Variants in IGSF3 observed in about 807,000 individuals in gnomAD.
IGSF3 encodes the protein immunoglobulin superfamily member 3.
In IGSF3, 23 loss-of-function variants were observed where a neutral mutation model predicts 114.4. The observed-to-expected ratio is 0.20, with a 90% CI of 0.14 to 0.28. IGSF3 has a LOEUF of 0.28. Among genes scored for constraint, IGSF3 ranks in the 10% least tolerant of loss-of-function variants. IGSF3 has a pLI of 1.00. For missense variants in IGSF3, 1,172 were observed against 1,591.5 expected (o/e 0.74, Z 4.48); for synonymous variants, 571 against 645.2 (o/e 0.88, Z 1.74).
chr1:116,590,324 C>T (rs1455472336), intron 7 of IGSF3, among the ~76,000 whole-genome samples: 3 of 151,892 alleles, frequency 2.0e-5, no homozygotes, highest in South Asian at 2.1e-4. Flanking sequence ...TCATCATTAA[C>T]CTCGGCTCTG....
Position 116,577,507 on chromosome 1 carries a change from G to A in IGSF3, c.3390C>T (p.Phe1130=), listed in dbSNP as rs754967070. Residue 1130 remains phenylalanine (F), a synonymous_variant, in exon 11 of 11, where the codon TTC becomes TTT. Coordinates refer to ENST00000369486, the MANE Select transcript of IGSF3 (RefSeq NM_001007237.3). The surrounding 1 kb of genome is among the most constrained non-coding windows in gnomAD (Gnocchi z 5.7). ...TGCCAAAGATGGGGAAAGGGTAGAA[G>A]AAGACGAAGTAGAAGAGTGCGTCGT... ...CSNDALFYFV[F]FYPFPIFGIL... is the part of the protein sequence containing the mutation. 8.7e-6 allele frequency: 14 copies of A among 1,614,048 alleles called. No homozygotes were observed. Among genetic ancestry groups the A allele is most frequent in the Non-Finnish European group, 1.2e-5 (14 of 1,180,016 alleles).
At chr1:116,637,220 C>G (rs1166566427) in intron 2 of IGSF3, among the ~76,000 whole-genome samples, 1 of 152,198 alleles carries the variant, frequency 6.6e-6, no homozygotes, top group East Asian at 1.9e-4. Context: ...CACATTCCCA[C>G]TAATGGCAGC....
rs1260223977 is a variant in IGSF3 at position 116,596,896 on chromosome 1, TG to T, written c.2029+3044del. ...AAACGAGGAACCAAAGCATTCACAG[TG>T]GTTTACAAGAAATGCTCAGTGAATA... On this transcript the variant is annotated intron_variant, in intron 7 of 10. Transcript: ENST00000369486. This position sits in a 1 kb window ranked among gnomAD's most constrained non-coding sequence, Gnocchi z 4.1. Among the ~76,000 whole-genome samples, 12 of 152,310 alleles carry T rather than the reference TG, an allele frequency of 7.9e-5. No individual in the cohort carries two copies. The highest frequency in any genetic ancestry group is 2.6e-4 in the African/African-American group (11 of 41,564).
rs1447252556 is a variant in IGSF3 at position 116,583,448 on chromosome 1, G to C, written c.2848+1197C>G. On this transcript the variant is annotated intron_variant, in intron 9 of 10. Coordinates refer to ENST00000369486, the MANE Select transcript of IGSF3 (RefSeq NM_001007237.3). This position sits in a 1 kb window ranked among gnomAD's most constrained non-coding sequence, Gnocchi z 4.5. ...GCAAGACACAGGCGAGTGAGATACT[G>C]CCCATTTCCTATAACCAAGGCTGCA... 1.3e-5 allele frequency among the ~76,000 whole-genome samples: 2 copies of C among 152,216 alleles called. No individual in the cohort carries two copies. Among genetic ancestry groups the C allele is most frequent in the Non-Finnish European group, 2.9e-5 (2 of 68,040 alleles).
At chr1:116,578,187 A>G (rs559733183) in intron 10 of IGSF3, among the ~76,000 whole-genome samples, 2 of 152,360 alleles carry the variant, frequency 1.3e-5, no homozygotes, top group African/African-American at 4.8e-5. Flanking sequence ...TCTATAAGTC[A>G]TTAGACCTTG....
At chr1:116,623,843 TG>T (rs1421679755) in intron 2 of IGSF3, among the ~76,000 whole-genome samples, 2 of 151,160 alleles carry the variant, frequency 1.3e-5, no homozygotes, top group Non-Finnish European at 2.9e-5. Flanking sequence ...CCCAGCACTT[TG>T]GGAGGGCGAG....
Position 116,647,382 on chromosome 1 carries a change from T to A in IGSF3, c.43+18902A>T, listed in dbSNP as rs983239013. Among the ~76,000 whole-genome samples, 1 of 152,226 alleles carries A rather than the reference T, an allele frequency of 6.6e-6. No homozygotes were observed. Among genetic ancestry groups the A allele is most frequent in the Non-Finnish European group, 1.5e-5 (1 of 68,036 alleles). On this transcript the variant is annotated intron_variant, in intron 2 of 10. Transcript: ENST00000369486. The surrounding 1 kb of genome is among the most constrained non-coding windows in gnomAD (Gnocchi z 4.6). The stretch of plus-strand genomic sequence containing the variant: ...CGTGCCTTTATGGCTCGCAACTATG[T>A]GCTGAGTGTGGCCCAAATTCCAGCT...
intron 4 of IGSF3, 129 bp downstream of exon 4, chr1:116,613,636 G>T: frequency 1.2e-6 from 1 of 857,066 alleles, no homozygotes; most frequent in Non-Finnish European, 1.8e-6. Flanking sequence ...CACAAGACCG[G>T]CTTTAACTTC....
At chr1:116,617,966 C>T (rs544234884) in intron 2 of IGSF3, among the ~76,000 whole-genome samples, 19 of 152,350 alleles carry the variant, frequency 1.2e-4, no homozygotes, top group East Asian at 1.2e-3. Context: ...GCGGCTGCCC[C>T]GGCTATGCCT....
chr1:116,580,232 T>C (rs1005264444), intron 9 of IGSF3, among the ~76,000 whole-genome samples: 1 of 152,190 alleles, frequency 6.6e-6, no homozygotes, highest in African/African-American at 2.4e-5. Context: ...TGTAACCCCT[T>C]GTAGTGGCTG....
chr1:116,609,149 T>G (rs892035818), intron 4 of IGSF3, among the ~76,000 whole-genome samples: 2 of 151,964 alleles, frequency 1.3e-5, no homozygotes, highest in African/African-American at 4.8e-5. Context: ...GGTACTTTAG[T>G]AGGAAAAGTA....
Position 116,646,232 on chromosome 1 carries a change from A to G in IGSF3, c.43+20052T>C, listed in dbSNP as rs1429170872. ...CCTTGGCTCTGTGACACGGAACACA[A>G]GTTTCAGCAGTTCCTGTCACTTCCC... On this transcript the variant is annotated intron_variant, in intron 2 of 10. Transcript: ENST00000369486. 5.3e-5 allele frequency among the ~76,000 whole-genome samples: 8 copies of G among 152,304 alleles called. No individual in the cohort carries two copies. The East Asian group carries it at 1.4e-3, about 26-fold the overall frequency.
rs1029416578 is a variant in IGSF3, at chr1:116,648,637, G to A, written c.43+17647C>T. On this transcript the variant is annotated intron_variant, in intron 2 of 10. Transcript: ENST00000369486. The surrounding 1 kb of genome is among the most constrained non-coding windows in gnomAD (Gnocchi z 4.7). ...CAAAGTGCCTAGCTCCGGACTGCTTGCAGAAAAGGCACATTTTGACTCTTC... is the reference window on the plus strand; with the variant it reads ...CAAAGTGCCTAGCTCCGGACTGCTTACAGAAAAGGCACATTTTGACTCTTC... Among the ~76,000 whole-genome samples, 2 of 152,210 alleles carry A rather than the reference G, an allele frequency of 1.3e-5. No homozygotes were observed. Among genetic ancestry groups the A allele is most frequent in the Admixed American group, 6.5e-5 (1 of 15,282 alleles).
chr1:116,631,323 A>C (rs1036843241), intron 2 of IGSF3, among the ~76,000 whole-genome samples: 1 of 150,862 alleles, frequency 6.6e-6, no homozygotes, highest in African/African-American at 2.4e-5. Context: ...GTCTCAAAAA[A>C]AAAAAAAAAA....
At chr1:116,609,158 T>C (rs1319189468) in intron 4 of IGSF3, among the ~76,000 whole-genome samples, 1 of 151,996 alleles carries the variant, frequency 6.6e-6, no homozygotes, top group African/African-American at 2.4e-5. Flanking sequence ...GTAGGAAAAG[T>C]ACCTACTTCT....
chr1:116,626,589 T>C (rs1647298493), intron 2 of IGSF3, among the ~76,000 whole-genome samples: 1 of 152,190 alleles, frequency 6.6e-6, no homozygotes, highest in African/African-American at 2.4e-5. Flanking sequence ...CTCTTATCCA[T>C]GACCATTGAA....
At chr1:116,602,168 G>A (rs1412300929) in intron 6 of IGSF3, among the ~76,000 whole-genome samples, 1 of 152,166 alleles carries the variant, frequency 6.6e-6, no homozygotes, top group African/African-American at 2.4e-5. Context: ...TCTCAGTGGT[G>A]GAGATCAGGT....
In IGSF3 at chr1:116,666,319, C is replaced by G. The variant is rs749817295; in HGVS notation, c.8G>C (p.Cys3Ser). The stretch of plus-strand genomic sequence containing the variant: ...CAGACAGCTCAGCACCGGGAAAAAG[C>G]ACTTCATGTCGGCAGCCTCCAGGAG... MK[C>S]FFPVLSCLAV... is the part of the protein sequence containing the mutation. The change falls in exon 2 of 11, where the codon TGC becomes TCC. Residue 3 changes from cysteine (C) to serine (S), a missense_variant. Physicochemically the swap from Cys to Ser is moderately radical, Grantham distance 112. This residue lies in a region of IGSF3 where 736 missense variants were observed against 1,042.0 expected (regional missense o/e 0.71). Coordinates refer to ENST00000369486, the MANE Select transcript of IGSF3 (RefSeq NM_001007237.3). The G allele has an allele frequency of 6.2e-7, 1 of 1,614,196 alleles. No individual in the cohort carries two copies. Among genetic ancestry groups the G allele is most frequent in the Non-Finnish European group, 8.5e-7 (1 of 1,180,012 alleles).
chr1:116,615,508 T>A lies in IGSF3; in HGVS notation c.421+572A>T, dbSNP rs1266327913. Among the ~76,000 whole-genome samples, 2 of 151,810 alleles carry A rather than the reference T, an allele frequency of 1.3e-5. No individual in the cohort carries two copies. Among genetic ancestry groups the A allele is most frequent in the East Asian group, 3.8e-4 (2 of 5,198 alleles). ...TGACACTGGCAAACACTATGACCAG[T>A]GCTGCCCACAATGGAAGCTCCTGCA... On this transcript the variant is annotated intron_variant, in intron 3 of 10. Transcript: ENST00000369486. The surrounding 1 kb of genome is among the most constrained non-coding windows in gnomAD (Gnocchi z 4.3).
Sources: allele counts gnomAD v4.1 joint callset (sites outside exome capture counted in the v4.1 genomes callset), GRCh38; gene constraint gnomAD v4.1.1; regional missense constraint gnomAD v4.1.1; non-coding constraint Gnocchi (gnomAD v3.1); transcripts MANE v1.5; gene names NCBI Gene and HGNC (gene_info 2026-07-23, HGNC 2026-07-21).